CTNNA3: variants seen among roughly 807,000 people sequenced by gnomAD.
CTNNA3 encodes catenin alpha 3.
A neutral mutation model predicts 95.7 loss-of-function variants in CTNNA3; 76 were observed. The observed-to-expected ratio is 0.79, with a 90% CI of 0.66 to 0.96. The LOEUF (loss-of-function observed/expected upper bound fraction) is 0.96. CTNNA3 is among the 40% of genes least tolerant of loss of function. CTNNA3 has a pLI of 0.00. For synonymous variants in CTNNA3, 431 were observed against 374.4 expected, an observed-to-expected ratio of 1.15 and a Z score of -1.74; for missense variants, 1,191 against 1,089.8, an observed-to-expected ratio of 1.09 and a Z score of -1.31.
intron 7 of CTNNA3, among the ~76,000 whole-genome samples, chr10:66,886,104 G>T (rs1196369447): frequency 6.6e-6 from 1 of 152,026 alleles, no homozygotes; most frequent in Non-Finnish European, 1.5e-5. Context: ...GAAGAGAAAG[G>T]GATAAAAATG....
At chr10:67,161,801 C>A (rs1303665866) in intron 7 of CTNNA3, among the ~76,000 whole-genome samples, 1 of 151,966 alleles carries the variant, frequency 6.6e-6, no homozygotes, top group Admixed American at 6.6e-5. Flanking sequence ...TTACTTCACA[C>A]ATCATGATAC....
At chr10:67,291,486 T>C (rs1244643670) in intron 5 of CTNNA3, among the ~76,000 whole-genome samples, 1 of 152,224 alleles carries the variant, frequency 6.6e-6, no homozygotes, top group African/African-American at 2.4e-5. Context: ...GCATTTCTCA[T>C]TGTTATCTCT....
chr10:66,566,874 C>T (rs555728183), intron 10 of CTNNA3, among the ~76,000 whole-genome samples: 91 of 151,032 alleles, frequency 6.0e-4, no homozygotes, highest in African/African-American at 2.2e-3. Flanking sequence ...TTCTGCTTTA[C>T]TACTTTTCTG....
chr10:66,370,507 C>CAGCTATCTAGA (rs2092745813), intron 12 of CTNNA3, among the ~76,000 whole-genome samples: 2 of 152,112 alleles, frequency 1.3e-5, no homozygotes, highest in South Asian at 4.1e-4. Flanking sequence ...ACTCAGTAGA[C>CAGCTATCTAGA]AGCTATCTAG....
At position 66,329,506 on chromosome 10, in the gene CTNNA3, C is replaced by T. The variant is rs375403179; in HGVS notation, c.1733-48885G>A. On this transcript the variant is annotated intron_variant, in intron 12 of 17. Transcript: ENST00000433211. ...TGTCACAGTCTATAATGGAGTATAA[C>T]ATGCGGCACTGCCTGGTACACCAGT... Among the ~76,000 whole-genome samples, 68 of 151,786 alleles carry T rather than the reference C, an allele frequency of 4.5e-4. 1 individual carries two copies. The South Asian group carries it at 0.014, about 31-fold the overall frequency.
At chr10:66,466,307 C>T (rs1050846276) in intron 11 of CTNNA3, among the ~76,000 whole-genome samples, 6 of 148,580 alleles carry the variant, frequency 4.0e-5, no homozygotes, top group Non-Finnish European at 7.4e-5. Context: ...CACCCACCTA[C>T]ACCCACACAC....
chr10:66,572,466 T>G (rs1311142530), intron 10 of CTNNA3, among the ~76,000 whole-genome samples: 2 of 151,744 alleles, frequency 1.3e-5, no homozygotes, highest in Non-Finnish European at 2.9e-5. Flanking sequence ...TATATGTCTA[T>G]CTCTACATCT....
intron 5 of CTNNA3, among the ~76,000 whole-genome samples, chr10:67,425,792 G>C (rs1042845880): frequency 3.3e-5 from 5 of 152,088 alleles, no homozygotes; most frequent in African/African-American, 1.2e-4. Context: ...TCATAGAGAA[G>C]GGGGATGGAG....
chr10:67,246,346 T>A (rs1015856068), intron 5 of CTNNA3, among the ~76,000 whole-genome samples: 3 of 152,320 alleles, frequency 2.0e-5, no homozygotes, highest in Admixed American at 6.5e-5. Flanking sequence ...CCAAATGGAA[T>A]CAGCAGATGA....
At chr10:67,486,644 A>G (rs1848460667) in intron 5 of CTNNA3, among the ~76,000 whole-genome samples, 1 of 152,204 alleles carries the variant, frequency 6.6e-6, no homozygotes, top group South Asian at 2.1e-4. Flanking sequence ...ATAATAAGTA[A>G]AGTGATTAGC....
At chr10:65,925,440 T>G (rs1225743962) in intron 17 of CTNNA3, among the ~76,000 whole-genome samples, 1 of 152,118 alleles carries the variant, frequency 6.6e-6, no homozygotes, top group African/African-American at 2.4e-5. Context: ...TTCTAATATA[T>G]CTTTTCTTTT....
chr10:66,177,458 A>AT (rs1368595560), intron 13 of CTNNA3, among the ~76,000 whole-genome samples: 2 of 151,842 alleles, frequency 1.3e-5, no homozygotes, highest in Non-Finnish European at 2.9e-5. Context: ...GGAGGGATCT[A>AT]TTTTTTTCAG....
chr10:66,309,955 A>C (rs1429739539), intron 12 of CTNNA3, among the ~76,000 whole-genome samples: 2 of 135,616 alleles, frequency 1.5e-5, no homozygotes, highest in Non-Finnish European at 3.3e-5. Context: ...ATAAATAAAT[A>C]AAATAAAAAT....
intron 5 of CTNNA3, among the ~76,000 whole-genome samples, chr10:67,344,754 TA>T (rs1262362051): frequency 2.6e-5 from 4 of 152,130 alleles, no homozygotes; most frequent in African/African-American, 9.6e-5. Context: ...TTACTCTGCC[TA>T]AAGGTTTGTC....
At chr10:66,696,233 T>G (rs781056675) in intron 9 of CTNNA3, among the ~76,000 whole-genome samples, 7 of 152,172 alleles carry the variant, frequency 4.6e-5, no homozygotes, top group Non-Finnish European at 7.4e-5. Context: ...TTTCTAACCG[T>G]TTTTTAGATG....
chr10:66,160,197 G>C (rs917514618), intron 13 of CTNNA3, among the ~76,000 whole-genome samples: 1 of 151,694 alleles, frequency 6.6e-6, no homozygotes, highest in African/African-American at 2.4e-5. Flanking sequence ...TTGGAACTTC[G>C]TTATTTCCTT....
At chr10:66,816,198 T>C (rs1367564345) in intron 7 of CTNNA3, among the ~76,000 whole-genome samples, 3 of 152,060 alleles carry the variant, frequency 2.0e-5, no homozygotes, top group East Asian at 3.8e-4. Context: ...TCTGAAAATA[T>C]AGTAAAAGAA....
chr10:66,242,273 T>C (rs12572408), intron 13 of CTNNA3, among the ~76,000 whole-genome samples: 2 of 151,968 alleles, frequency 1.3e-5, no homozygotes, highest in African/African-American at 2.4e-5. Flanking sequence ...CAACAGAAAA[T>C]AGATTAATAC....
At chr10:66,800,002 T>A (rs1485643793) in intron 7 of CTNNA3, among the ~76,000 whole-genome samples, 4 of 151,086 alleles carry the variant, frequency 2.6e-5, no homozygotes, top group African/African-American at 7.3e-5. Context: ...AGAGAAAAAG[T>A]CATTCTAAGA....
Sources: gnomAD v4.1 joint callset for allele counts (sites outside exome capture counted in the v4.1 genomes callset) on GRCh38, gnomAD v4.1.1 for gene constraint, MANE v1.5 for transcripts, NCBI Gene and HGNC (gene_info 2026-07-23, HGNC 2026-07-21) for gene names.